FHIT: variants seen among roughly 807,000 people sequenced by gnomAD.
FHIT encodes fragile histidine triad diadenosine triphosphatase.
FHIT carries 19 observed loss-of-function variants against 17.9 expected under a neutral mutation model. The observed-to-expected ratio is 1.06, with a 90% CI of 0.74 to 1.56. The LOEUF is 1.56. Ranked by LOEUF, FHIT falls within the 40% of genes most tolerant of loss-of-function variation. The pLI, the probability that FHIT is intolerant of heterozygous loss-of-function variation, is 0.00. For synonymous variants in FHIT, 81 were observed against 69.7 expected (o/e 1.16, Z -0.81); for missense variants, 248 against 189.2 (o/e 1.31, Z -1.82).
chr3:59,956,264 G>T (rs973491477), intron 7 of FHIT, among the ~76,000 whole-genome samples: 2 of 152,126 alleles, frequency 1.3e-5, no homozygotes. Context: ...TTCTGGCCAG[G>T]CATGGTGGCT....
At chr3:61,131,391 A>G (rs528866853) in intron 2 of FHIT, among the ~76,000 whole-genome samples, 1 of 152,354 alleles carries the variant, frequency 6.6e-6, no homozygotes, top group South Asian at 2.1e-4. Context: ...TGGATGGGCT[A>G]GCATCCATCT....
At chr3:60,374,780 G>GTGATAA (rs1277968100) in intron 5 of FHIT, among the ~76,000 whole-genome samples, 1 of 151,972 alleles carries the variant, frequency 6.6e-6, no homozygotes, top group African/African-American at 2.4e-5. Flanking sequence ...TTTTCTCAAC[G>GTGATAA]TTGAGACGTG....
intron 5 of FHIT, among the ~76,000 whole-genome samples, chr3:60,426,829 G>A (rs538912847): frequency 8.5e-5 from 13 of 152,118 alleles, no homozygotes; most frequent in African/African-American, 1.9e-4. Context: ...ACTAGACAGT[G>A]CTCTCTACGA....
chr3:60,326,400 A>G (rs1423342060), intron 5 of FHIT, among the ~76,000 whole-genome samples: 1 of 152,074 alleles, frequency 6.6e-6, no homozygotes, highest in East Asian at 1.9e-4. Context: ...GATCCCTCCC[A>G]TGTGCAATTC....
At chr3:59,859,868 G>C (rs1431241220) in intron 8 of FHIT, among the ~76,000 whole-genome samples, 2 of 152,140 alleles carry the variant, frequency 1.3e-5, no homozygotes, top group Non-Finnish European at 2.9e-5. Context: ...TGTGAATGGG[G>C]CCTGTGGACT....
chr3:60,683,425 A>G (rs1363318831), intron 4 of FHIT, among the ~76,000 whole-genome samples: 2 of 152,190 alleles, frequency 1.3e-5, no homozygotes, highest in South Asian at 2.1e-4. Flanking sequence ...CGGCAGCCAT[A>G]AATATCAAGG....
chr3:61,019,868 C>CT (rs999963218), intron 3 of FHIT, among the ~76,000 whole-genome samples: 7 of 151,278 alleles, frequency 4.6e-5, no homozygotes, highest in East Asian at 1.9e-4. Flanking sequence ...ATGATTTTCT[C>CT]TTTTTTTTTA....
chr3:60,414,337 G>A (rs74819100), intron 5 of FHIT, among the ~76,000 whole-genome samples: 1 of 152,154 alleles, frequency 6.6e-6, no homozygotes, highest in African/African-American at 2.4e-5. Flanking sequence ...TACCGGACTA[G>A]AGCATAGTGC....
At chr3:60,388,771 TTG>T (rs1559874985) in intron 5 of FHIT, among the ~76,000 whole-genome samples, 1 of 152,224 alleles carries the variant, frequency 6.6e-6, no homozygotes. Flanking sequence ...ATGCCAGCTC[TTG>T]TGTTCCAAGT....
intron 2 of FHIT, among the ~76,000 whole-genome samples, chr3:61,061,577 T>G (rs1406428035): frequency 6.6e-6 from 1 of 151,994 alleles, no homozygotes; most frequent in Non-Finnish European, 1.5e-5. Context: ...ATTTATTTAT[T>G]TAATTCTATT....
intron 7 of FHIT, among the ~76,000 whole-genome samples, chr3:59,938,008 G>A (rs1706326247): frequency 6.6e-6 from 1 of 152,144 alleles, no homozygotes; most frequent in Non-Finnish European, 1.5e-5. Flanking sequence ...GGGCTGCCAA[G>A]TGGAGCTGCA....
chr3:60,307,255 C>A (rs1041335964), intron 5 of FHIT, among the ~76,000 whole-genome samples: 1 of 152,262 alleles, frequency 6.6e-6, no homozygotes, highest in South Asian at 2.1e-4. Context: ...GAAGTCTTAA[C>A]AGAAAAGTCA....
rs749078188 is a variant in FHIT at position 60,150,581 on chromosome 3, AAAGTC to A, written c.104-136434_104-136430del. Among the ~76,000 whole-genome samples, 278 of 152,272 alleles carry A rather than the reference AAAGTC, an allele frequency of 1.8e-3. 3 individuals carry two copies. Among genetic ancestry groups the A allele is most frequent in the Non-Finnish European group, 2.6e-3 (175 of 68,042 alleles). ...AGGTGATTCTCCCACCTCAGTCTCGAAAGTCGCTGAGACTATAGGTGTGCACCTTA... is the reference window on the plus strand; with the variant it reads ...AGGTGATTCTCCCACCTCAGTCTCGAGCTGAGACTATAGGTGTGCACCTTA... On this transcript the variant is annotated intron_variant, in intron 5 of 9. Transcript: ENST00000492590.
chr3:60,408,792 C>A (rs999040994), intron 5 of FHIT, among the ~76,000 whole-genome samples: 1 of 152,154 alleles, frequency 6.6e-6, no homozygotes, highest in African/African-American at 2.4e-5. Context: ...TCTATCCTGG[C>A]ACTTGCCCTC....
At chr3:61,033,052 A>T (rs1030285087) in intron 3 of FHIT, among the ~76,000 whole-genome samples, 1 of 152,202 alleles carries the variant, frequency 6.6e-6, no homozygotes, top group Non-Finnish European at 1.5e-5. Flanking sequence ...TGTTCTATTC[A>T]CGTCCTCAAG....
chr3:60,204,188 C>T (rs567722118), intron 5 of FHIT, among the ~76,000 whole-genome samples: 44 of 152,192 alleles, frequency 2.9e-4, no homozygotes, highest in African/African-American at 1.0e-3. Flanking sequence ...AGCTCATGTA[C>T]TCCATTAATA....
chr3:60,119,512 G>C (rs535236770), intron 5 of FHIT, among the ~76,000 whole-genome samples: 34 of 152,248 alleles, frequency 2.2e-4, no homozygotes, highest in African/African-American at 8.2e-4. Context: ...ACAACTAACA[G>C]CATTATAAAA....
intron 5 of FHIT, among the ~76,000 whole-genome samples, chr3:60,507,145 A>G (rs1053488469): frequency 6.6e-6 from 1 of 152,204 alleles, no homozygotes; most frequent in Non-Finnish European, 1.5e-5. Context: ...AGTGGCCAAG[A>G]CTGAGGTTTC....
At chr3:60,112,227 G>A (rs914901475) in intron 5 of FHIT, among the ~76,000 whole-genome samples, 3 of 152,088 alleles carry the variant, frequency 2.0e-5, no homozygotes, top group African/African-American at 7.2e-5. Context: ...ACAACTCTAG[G>A]TAGAGCCTTC....
Sources: gnomAD v4.1 joint callset for allele counts (sites outside exome capture counted in the v4.1 genomes callset) on GRCh38, gnomAD v4.1.1 for gene constraint, MANE v1.5 for transcripts, NCBI Gene and HGNC (gene_info 2026-07-23, HGNC 2026-07-21) for gene names.